The following HK3 variants were observed in gnomAD, a reference collection of about 807,000 sequenced individuals.
HK3 encodes the protein hexokinase-3.
Under a neutral mutation model 91.0 loss-of-function variants are expected in HK3, and 93 were observed. The ratio of observed to expected loss-of-function variants is 1.02; its 90% CI spans 0.86 to 1.21. HK3 has a LOEUF of 1.21. Among genes scored for constraint, HK3 ranks in the 50% most tolerant of loss-of-function variants. The pLI is 0.00. For synonymous variants in HK3, 519 were observed against 516.9 expected (o/e 1.00, Z -0.06); for missense variants, 1,235 against 1,247.4 (o/e 0.99, Z 0.15).
chr5:176,886,887 C>T (rs1161284589), intron 13 of HK3, 115 bp downstream of exon 13: 1 of 1,249,904 alleles, frequency 8.0e-7, no homozygotes, highest in African/African-American at 1.5e-5. Context: ...GCTGCCACCA[C>T]CACCAACCCC....
chr5:176,892,136 A>C (rs919810636), intron 2 of HK3, among the ~76,000 whole-genome samples: 1 of 152,104 alleles, frequency 6.6e-6, no homozygotes, highest in African/African-American at 2.4e-5. Context: ...CACACACATA[A>C]CCACCCAAGA....
Position 176,896,198 on chromosome 5 carries a change from A to G in HK3, c.-26-13T>C, listed in dbSNP as rs547560985. On this transcript the variant is annotated splice_polypyrimidine_tract_variant and intron_variant, in intron 1 of 18. Coordinates refer to ENST00000292432, the MANE Select transcript of HK3 (RefSeq NM_002115.3). ...GGAAGGTGGCCACCTATGGGAGAAA[A>G]GGGACAACCTGGGTCAACCATTTAC... 3.6e-5 allele frequency: 53 copies of G among 1,476,020 alleles called. 1 individual carries two copies. In the Admixed American group the frequency reaches 4.6e-4, roughly 13 times the overall value. The allele number at this position is 1,476,020 out of a possible 1,614,324, so 91.4% of individuals were successfully genotyped here.
intron 2 of HK3, 66 bp from the exon 3 acceptor site, chr5:176,891,616 A>G (rs955431311): frequency 1.3e-5 from 20 of 1,520,674 alleles, no homozygotes; most frequent in Non-Finnish European, 1.8e-5. Flanking sequence ...CCCACCTCCA[A>G]ACAAGGCAGA....
In HK3 at chr5:176,889,509, G is replaced by A. The variant is rs1324414414; in HGVS notation, c.786C>T (p.Asp262=). Residue 262 remains aspartate (D), a synonymous_variant, in exon 8 of 19, where the codon GAC becomes GAT. Coordinates refer to ENST00000292432, the MANE Select transcript of HK3 (RefSeq NM_002115.3). ...TGACGCAGACGCGGCCCCGGTCTTC[G>A]TCCAGCACTGCCACATGCCGTGCCT... The part of the protein sequence containing the change: ...MEEARHVAVL[D]EDRGRVCVSV... 1.6e-5 allele frequency: 26 copies of A among 1,614,066 alleles called. No homozygotes were observed. The highest frequency in any genetic ancestry group is 6.7e-5 in the Admixed American group (4 of 60,012).
intron 1 of HK3, among the ~76,000 whole-genome samples, chr5:176,897,795 C>T (rs1758942827): frequency 6.6e-6 from 1 of 152,150 alleles, no homozygotes. Flanking sequence ...TTATCTCGCC[C>T]ATTCCCAAGG....
rs1758408016 is a variant in HK3 at position 176,880,991 on chromosome 5, C to T, written c.*82G>A. On this transcript the variant is annotated 3_prime_UTR_variant, in exon 19 of 19. Coordinates refer to ENST00000292432, the MANE Select transcript of HK3 (RefSeq NM_002115.3). ...GGGATGTCCCAGGAGTCCTGGGTGG[C>T]TGGGCCTGGCTGGGAAACAGGCAGA... The T allele has an allele frequency of 6.1e-6, 9 of 1,463,892 alleles. No homozygotes were observed. In the African/African-American group the frequency reaches 9.9e-5, roughly 16 times the overall value. 90.7% of individuals were successfully genotyped at this position (1,463,892 alleles called of 1,614,324 possible). A position where few individuals can be genotyped will look rare whatever the true frequency, so the allele number is the denominator to read the frequency against.
intron 13 of HK3, among the ~76,000 whole-genome samples, chr5:176,886,145 C>T (rs1758578879): frequency 6.6e-6 from 1 of 151,872 alleles, no homozygotes; most frequent in African/African-American, 2.4e-5. Flanking sequence ...AGGAGGATTG[C>T]TTGAACACAG....
At chr5:176,891,581 G>C (rs751786263) in intron 2 of HK3, 31 bp from the exon 3 acceptor site, 3 of 1,595,014 alleles carry the variant, frequency 1.9e-6, no homozygotes, top group Non-Finnish European at 2.6e-6. Context: ...ATCTGGGAAG[G>C]AGCACCATTG....
At chr5:176,885,007 G>T (rs1160725982) in intron 13 of HK3, among the ~76,000 whole-genome samples, 1 of 152,198 alleles carries the variant, frequency 6.6e-6, no homozygotes, top group East Asian at 1.9e-4. Flanking sequence ...TAGAGTGAGA[G>T]AAAGAACCCG....
At chr5:176,892,285 G>A (rs1319330396) in intron 2 of HK3, among the ~76,000 whole-genome samples, 1 of 152,208 alleles carries the variant, frequency 6.6e-6, no homozygotes, top group Non-Finnish European at 1.5e-5. Flanking sequence ...GTAGAAAGAG[G>A]TATTTTTAGA....
chr5:176,893,071 G>A (rs533230784), intron 2 of HK3, among the ~76,000 whole-genome samples: 1 of 152,126 alleles, frequency 6.6e-6, no homozygotes, highest in African/African-American at 2.4e-5. Context: ...TCAGGCAGTG[G>A]GCAGCAAAGT....
At chr5:176,881,277 C>G (rs1233651188) in intron 18 of HK3, 25 bp downstream of exon 18, 1 of 1,613,526 alleles carries the variant, frequency 6.2e-7, no homozygotes, top group Non-Finnish European at 8.5e-7. Context: ...ACACCTCCCT[C>G]CCCAGCCCGC....
Position 176,882,049 on chromosome 5 carries a change from A to G in HK3, c.2132T>C (p.Ile711Thr). Residue 711 changes from isoleucine (I) to threonine (T), a missense_variant, in exon 16 of 19, where the codon ATC (isoleucine) becomes ACC (threonine). Ile to Thr is a moderately conservative substitution (Grantham distance 89). Coordinates refer to ENST00000292432, the MANE Select transcript of HK3 (RefSeq NM_002115.3). The part of the protein sequence containing the change: ...GVPGDSGRMC[I>T]NMEWGAFGDD... ...CCCAAAGGCGCCCCACTCCATGTTG[A>G]TGCACATGCGGCCTGAGTCCCCAGG... 1 of 1,613,088 alleles carries G rather than the reference A, an allele frequency of 6.2e-7. No individual in the cohort carries two copies. The highest frequency in any genetic ancestry group is 8.5e-7 in the Non-Finnish European group (1 of 1,180,014).
In HK3 at chr5:176,883,807, G is replaced by C. The variant is rs771143869; in HGVS notation, c.2016C>G (p.Gly672=). The change falls in exon 15 of 19, where the codon GGC becomes GGG. Residue 672 remains glycine (G), a synonymous_variant. Coordinates refer to ENST00000292432, the MANE Select transcript of HK3 (RefSeq NM_002115.3). Reference sequence around the variant, plus strand: ...CTATCTCGCAACGGGGGTCCTCATAGCCACAGGACATCATGGTCCCCACCG... The same window carrying C: ...CTATCTCGCAACGGGGGTCCTCATACCCACAGGACATCATGGTCCCCACCG... ...NDTVGTMMSC[G]YEDPRCEIGL... 1 of 1,614,038 alleles carries C rather than the reference G, an allele frequency of 6.2e-7. No homozygotes were observed. Among genetic ancestry groups the C allele is most frequent in the South Asian group, 1.1e-5 (1 of 91,088 alleles).
rs888084928 is a variant in HK3 at position 176,884,594 on chromosome 5, C to T, written c.1858-460G>A. On this transcript the variant is annotated intron_variant, in intron 13 of 18. Coordinates refer to ENST00000292432, the MANE Select transcript of HK3 (RefSeq NM_002115.3). This position sits in a 1 kb window ranked among gnomAD's most constrained non-coding sequence, Gnocchi z 4.1. Reference sequence around the variant, plus strand: ...GAATTCTCAGCTTCAGGGATAGAGCCGTGTCAATGGGCGAGTCACTCATGT... The same window carrying T: ...GAATTCTCAGCTTCAGGGATAGAGCTGTGTCAATGGGCGAGTCACTCATGT... 1.3e-5 allele frequency among the ~76,000 whole-genome samples: 2 copies of T among 152,156 alleles called. No individual in the cohort carries two copies. Among genetic ancestry groups the T allele is most frequent in the Non-Finnish European group, 2.9e-5 (2 of 68,034 alleles).
In HK3 at chr5:176,887,133, G is replaced by A. The variant is rs749181179; in HGVS notation, c.1738-12C>T. On this transcript the variant is annotated splice_polypyrimidine_tract_variant and intron_variant, in intron 12 of 18. Coordinates refer to ENST00000292432, the MANE Select transcript of HK3 (RefSeq NM_002115.3). This position sits in a 1 kb window ranked among gnomAD's most constrained non-coding sequence, Gnocchi z 4.9. ...ATGTGGTCAAAGAGCTGTGGGGCAGGACAGGTCAGGCGTAGGCACTGCTCA... is the reference window on the plus strand; with the variant it reads ...ATGTGGTCAAAGAGCTGTGGGGCAGAACAGGTCAGGCGTAGGCACTGCTCA... The A allele has an allele frequency of 6.2e-7, 1 of 1,614,200 alleles. No homozygotes were observed. The highest frequency in any genetic ancestry group is 8.5e-7 in the Non-Finnish European group (1 of 1,180,036).
chr5:176,891,301 T>TG, intron 3 of HK3, 87 bp downstream of exon 3: 1 of 1,607,488 alleles, frequency 6.2e-7, no homozygotes, highest in Non-Finnish European at 8.5e-7. Flanking sequence ...GCCATAGAGA[T>TG]GGGGGACAGG....
intron 14 of HK3, 81 bp downstream of exon 14, chr5:176,883,958 T>G: frequency 1.3e-6 from 2 of 1,569,830 alleles, no homozygotes; most frequent in Non-Finnish European, 8.8e-7. Context: ...CGCAGAGGGC[T>G]CCCCCCTCAG....
intron 1 of HK3, among the ~76,000 whole-genome samples, chr5:176,896,873 G>A (rs1000053364): frequency 2.6e-5 from 4 of 151,820 alleles, no homozygotes; most frequent in African/African-American, 4.9e-5. Flanking sequence ...CCCTCACAAG[G>A]TTGTTGTGAG....
Sources: gnomAD v4.1 joint callset for allele counts (sites outside exome capture counted in the v4.1 genomes callset) on GRCh38, gnomAD v4.1.1 for gene constraint, Gnocchi (gnomAD v3.1) non-coding constraint, MANE v1.5 for transcripts, NCBI Gene and HGNC (gene_info 2026-07-23, HGNC 2026-07-21) for gene names.